GTF3C1: variants seen among roughly 807,000 people sequenced by gnomAD.
GTF3C1 encodes the protein general transcription factor IIIC subunit 1.
GTF3C1 carries 57 observed loss-of-function variants against 226.7 expected under a neutral mutation model. The ratio of observed to expected loss-of-function variants is 0.25; its 90% confidence interval spans 0.20 to 0.31. The LOEUF (loss-of-function observed/expected upper bound fraction) is 0.31, where lower values mean the gene tolerates loss of function less well. Ranked by LOEUF, GTF3C1 falls within the 10% of genes least tolerant of loss-of-function variation. The probability of loss-of-function intolerance (pLI) is 1.00; values close to 1 mark genes in which losing one functional copy is unlikely to be tolerated. For missense variants in GTF3C1, 2,217 were observed against 2,776.1 expected, an observed-to-expected ratio of 0.80 and a Z score of 4.53; for synonymous variants, 1,090 against 1,084.8, an observed-to-expected ratio of 1.00 and a Z score of -0.09.
chr16:27,532,435 G>C (rs1006528320), intron 5 of GTF3C1, among the ~76,000 whole-genome samples: 2 of 152,206 alleles, frequency 1.3e-5, no homozygotes, highest in Admixed American at 6.5e-5. Flanking sequence ...TCAGTTTTAA[G>C]TTCTGGTTTC....
intron 16 of GTF3C1, among the ~76,000 whole-genome samples, chr16:27,494,496 T>C (rs1429459709): frequency 6.6e-6 from 1 of 152,172 alleles, no homozygotes; most frequent in East Asian, 1.9e-4. Flanking sequence ...TAGATCCATT[T>C]AGAAGAGCGA....
intron 10 of GTF3C1, among the ~76,000 whole-genome samples, chr16:27,504,147 T>C (rs2088449566): frequency 6.6e-6 from 1 of 152,206 alleles, no homozygotes; most frequent in South Asian, 2.1e-4. Flanking sequence ...AGAGCCTCCC[T>C]GCAAACAGTT....
chr16:27,472,533 A>G (rs1164154750), intron 29 of GTF3C1, among the ~76,000 whole-genome samples: 1 of 152,180 alleles, frequency 6.6e-6, no homozygotes, highest in Admixed American at 6.5e-5. Flanking sequence ...TTCCCTCTGC[A>G]GATGTGACCA....
chr16:27,524,231 A>G (rs915840771), intron 6 of GTF3C1, among the ~76,000 whole-genome samples: 1 of 152,272 alleles, frequency 6.6e-6, no homozygotes, highest in Admixed American at 6.5e-5. Context: ...CTGCTAATAA[A>G]GGAATAAAGT....
chr16:27,480,980 G>GTGC (rs2088035610), intron 27 of GTF3C1, 99 bp downstream of exon 27: 6 of 917,346 alleles, frequency 6.5e-6, no homozygotes, highest in Non-Finnish European at 1.1e-5. Context: ...AGCCAGGCAG[G>GTGC]TGCTGTGCGC....
intron 12 of GTF3C1, among the ~76,000 whole-genome samples, chr16:27,499,613 T>C (rs974263234): frequency 6.6e-6 from 1 of 152,200 alleles, no homozygotes; most frequent in African/African-American, 2.4e-5. Context: ...TGGCTCATTT[T>C]CTCCGAATCC....
At chr16:27,501,460 CG>C in intron 11 of GTF3C1, 116 bp from the exon 12 acceptor site, 1 of 910,198 alleles carries the variant, frequency 1.1e-6, no homozygotes. Flanking sequence ...AAGGATCAAA[CG>C]GGGTTTCCCC....
intron 6 of GTF3C1, among the ~76,000 whole-genome samples, chr16:27,520,805 C>T (rs533477544): frequency 1.3e-5 from 2 of 151,886 alleles, no homozygotes; most frequent in Non-Finnish European, 2.9e-5. Flanking sequence ...CTGCAACCTC[C>T]GCCTCCCAGT....
At chr16:27,540,969 T>C (rs2089072795) in intron 2 of GTF3C1, among the ~76,000 whole-genome samples, 1 of 152,132 alleles carries the variant, frequency 6.6e-6, no homozygotes, top group Non-Finnish European at 1.5e-5. Flanking sequence ...GCCTCCCAAG[T>C]AGCTGGGATT....
chr16:27,495,178 GC>G, intron 15 of GTF3C1, 32 bp downstream of exon 15: 1 of 1,551,948 alleles, frequency 6.4e-7, no homozygotes, highest in Non-Finnish European at 8.9e-7. Flanking sequence ...GGGCCTGCCC[GC>G]CCCAGGTGCA....
intron 19 of GTF3C1, among the ~76,000 whole-genome samples, chr16:27,491,777 A>G (rs2088236510): frequency 6.6e-6 from 1 of 152,076 alleles, no homozygotes; most frequent in Admixed American, 6.5e-5. Flanking sequence ...TCTTTCTCCA[A>G]CATACCACTC....
rs760555451 is a variant in GTF3C1 at position 27,470,233 on chromosome 16, G to A, written c.4689C>T (p.Gly1563=). ...TNDMVAFSLD[G]PGGNCVAVLT... is the part of the protein sequence containing the mutation. ...GGACGGCCACACAATTTCCTCCAGG[G>A]CCGTCCAGTGAAAAGGCCACCATGT... Residue 1563 remains glycine, a synonymous_variant, in exon 31 of 37, where the codon GGC becomes GGT. Coordinates refer to ENST00000356183, the MANE Select transcript of GTF3C1 (RefSeq NM_001520.4). The surrounding 1 kb of genome is among the most constrained non-coding windows in gnomAD (Gnocchi z 4.9). 6.2e-7 allele frequency: 1 copy of A among 1,613,644 alleles called. No individual in the cohort carries two copies. The highest frequency in any genetic ancestry group is 8.5e-7 in the Non-Finnish European group (1 of 1,179,564).
chr16:27,539,226 A>T (rs1009278862), intron 2 of GTF3C1, among the ~76,000 whole-genome samples: 2 of 152,174 alleles, frequency 1.3e-5, no homozygotes, highest in African/African-American at 2.4e-5. Context: ...CGGTGCAATC[A>T]GTGGACCTGC....
At chr16:27,464,183 T>C in intron 34 of GTF3C1, 137 bp downstream of exon 34, 1 of 512,372 alleles carries the variant, frequency 2.0e-6, no homozygotes. Flanking sequence ...GCTCAGGCTC[T>C]GAGAAGCTGA....
At position 27,463,589 on chromosome 16, in the gene GTF3C1, A is replaced by G. The variant is rs12919017; in HGVS notation, c.5876T>C (p.Phe1959Ser). The change falls in exon 35 of 37, where the codon TTC becomes TCC. Residue 1959 changes from phenylalanine (F) to serine (S), a missense_variant. Phe to Ser is a radical substitution (Grantham distance 155). This residue lies in a region of GTF3C1 where 455 missense variants were observed against 441.9 expected (regional missense o/e 1.03). Coordinates refer to ENST00000356183, the MANE Select transcript of GTF3C1 (RefSeq NM_001520.4). The surrounding 1 kb of genome is among the most constrained non-coding windows in gnomAD (Gnocchi z 4.9). ...PPEGSEDPRG[F>S]TESFGAANIS... Reference sequence around the variant, plus strand: ...GTTGGCAGCTCCGAAACTCTCTGTGAACCCTGAGGGAAGAGGAAGAGAATG... The same window carrying G: ...GTTGGCAGCTCCGAAACTCTCTGTGGACCCTGAGGGAAGAGGAAGAGAATG... 214,259 of 1,584,884 alleles carry G rather than the reference A, an allele frequency of 0.14. 16,293 individuals are homozygous for G. Among genetic ancestry groups the G allele is most frequent in the Middle Eastern group, 0.17 (1,028 of 6,000 alleles).
At chr16:27,478,372 G>A (rs1255988832) in intron 28 of GTF3C1, 97 bp downstream of exon 28, 3 of 845,562 alleles carry the variant, frequency 3.5e-6, no homozygotes, top group Non-Finnish European at 4.1e-6. Context: ...ACAGGTAGTG[G>A]GCTGGATTTG....
intron 2 of GTF3C1, among the ~76,000 whole-genome samples, chr16:27,544,957 C>A (rs988379641): frequency 2.8e-5 from 4 of 144,428 alleles, no homozygotes; most frequent in Non-Finnish European, 3.0e-5. Context: ...CTCAGATTCC[C>A]AGGAATTTCT....
Position 27,491,053 on chromosome 16 carries a change from G to A in GTF3C1, c.3151+1285C>T, listed in dbSNP as rs184509174. Among the ~76,000 whole-genome samples the A allele has an allele frequency of 6.7e-3, 1,022 of 152,220 alleles. 14 individuals are homozygous for A. Among genetic ancestry groups the A allele is most frequent in the African/African-American group, 0.024 (980 of 41,534 alleles). ...TAGGGCATTATTAAAATCTAAATTG[G>A]CAAAAGCCTAGCTCACTGCTGAATG... On this transcript the variant is annotated intron_variant, in intron 19 of 36. Transcript: ENST00000356183.
intron 7 of GTF3C1, 33 bp downstream of exon 7, chr16:27,511,716 C>A (rs746760200): frequency 6.2e-7 from 1 of 1,609,344 alleles, no homozygotes; most frequent in Non-Finnish European, 8.5e-7. Context: ...TTCTCGGGAT[C>A]CATATCCAAG....
Sources: gnomAD v4.1 joint callset for allele counts (sites outside exome capture counted in the v4.1 genomes callset) on GRCh38, gnomAD v4.1.1 for gene constraint, gnomAD v4.1.1 regional missense constraint, Gnocchi (gnomAD v3.1) non-coding constraint, MANE v1.5 for transcripts, NCBI Gene and HGNC (gene_info 2026-07-23, HGNC 2026-07-21) for gene names.